CD93: variants seen among roughly 807,000 people sequenced by gnomAD.
The protein encoded by CD93 is complement component C1q receptor.
CD93 carries 44 observed loss-of-function variants against 45.5 expected under a neutral mutation model. That is an observed-to-expected ratio of 0.97 (90% CI 0.76 to 1.24). CD93 has a LOEUF of 1.24. Ranked by LOEUF, CD93 falls within the 50% of genes most tolerant of loss-of-function variation. CD93 has a pLI of 0.00. For missense variants in CD93, 918 were observed against 844.5 expected, an observed-to-expected ratio of 1.09 and a Z score of -1.08; for synonymous variants, 431 against 370.8, an observed-to-expected ratio of 1.16 and a Z score of -1.87.
chr20:23,085,959 C>A lies in CD93; in HGVS notation c.234G>T (p.Gln78His), dbSNP rs141910630. 6 of 1,610,480 alleles carry A rather than the reference C, an allele frequency of 3.7e-6. No homozygotes were observed. The highest frequency in any genetic ancestry group is 5.1e-6 in the Non-Finnish European group (6 of 1,179,208). ...EAQHVQRVLA[Q>H]LLRREAALTA... is the part of the protein sequence containing the mutation. ...TCAGGGCTGCCTCCCGCCTCAGGAG[C>A]TGGGCCAGTACTCGCTGGACGTGCT... is the stretch of plus-strand genomic sequence containing the variant. The change falls in exon 1 of 2, where the codon CAG becomes CAT. Residue 78 changes from glutamine (Q) to histidine (H), a missense_variant. Physicochemically the swap from Gln to His is conservative, Grantham distance 24 (BLOSUM62 0). Transcript: ENST00000246006.
chr20:23,085,518 A>ACAGG lies in CD93; in HGVS notation c.671_674dup (p.Gly226LeufsTer5), dbSNP rs1422349922. The ACAGG allele has an allele frequency of 6.2e-7, 1 of 1,613,880 alleles. No homozygotes were observed. The highest frequency in any genetic ancestry group is 1.1e-5 in the South Asian group (1 of 91,082). On this transcript the variant is annotated frameshift_variant, in exon 1 of 2. Transcript: ENST00000246006. LOFTEE classifies it high-confidence loss of function. ...GAGTCTCGTCCTTGTCACCTTCCCC[A>ACAGG]CAGGCTACATTGGCCGCAGAGGCAA...
rs568089219 is a variant in CD93 at position 23,084,620 on chromosome 20, C to G, written c.1573G>C (p.Ala525Pro). ...TTGAGTGGGGCAGATGTGATGGGGG[C>G]GTCAGATGACAGCGAAGGTCTACTT... is the stretch of plus-strand genomic sequence containing the variant. ...TTSRPSLSSD[A>P]PITSAPLKML... The change falls in exon 1 of 2, where the codon GCC (alanine) becomes CCC (proline). Residue 525 changes from alanine to proline, a missense_variant. Physicochemically the swap from Ala to Pro is conservative, Grantham distance 27. Transcript: ENST00000246006. 1.9e-6 allele frequency: 3 copies of G among 1,607,104 alleles called. No individual in the cohort carries two copies. In the African/African-American group the frequency reaches 4.0e-5, roughly 22 times the overall value.
chr20:23,086,224 G>T lies in CD93; in HGVS notation c.-32C>A. On this transcript the variant is annotated 5_prime_UTR_variant, in exon 1 of 2. Coordinates refer to ENST00000246006, the MANE Select transcript of CD93 (RefSeq NM_012072.4). The stretch of plus-strand genomic sequence containing the variant: ...CTCTGTGTGGCCCTCTGCGGGAGGC[G>T]AGAAGCCCAGCGGCGACAGGAGCTT... The T allele has an allele frequency of 6.8e-7, 1 of 1,479,052 alleles. No homozygotes were observed. The highest frequency in any genetic ancestry group is 1.3e-5 in the South Asian group (1 of 75,646). The allele number at this position is 1,479,052 out of a possible 1,614,324, so 91.6% of individuals were successfully genotyped here.
At position 23,083,740 on chromosome 20, in the gene CD93, C is replaced by G. The variant is rs933849000; in HGVS notation, c.*210G>C. 6.5e-6 allele frequency: 4 copies of G among 611,746 alleles called. No individual in the cohort carries two copies. In the East Asian group the frequency reaches 1.1e-4, roughly 17 times the overall value. The allele number at this position is 611,746 out of a possible 1,614,324, so 37.9% of individuals were successfully genotyped here. On this transcript the variant is annotated 3_prime_UTR_variant, in exon 2 of 2. Transcript: ENST00000246006. ...GAGTCACGAAATCCCCACCGTGGCA[C>G]GCCAACACACAGCTTCCACTTCAGG...
At position 23,083,806 on chromosome 20, in the gene CD93, G is replaced by T; in HGVS notation, c.*144C>A. ...TAGAAAATACCTGCATGTTCCAAGG[G>T]GCCTTTAAGGAGGAGACTTACAATT... On this transcript the variant is annotated 3_prime_UTR_variant, in exon 2 of 2. Transcript: ENST00000246006. 2.6e-6 allele frequency: 2 copies of T among 766,962 alleles called. No homozygotes were observed. Among genetic ancestry groups the T allele is most frequent in the Non-Finnish European group, 4.7e-6 (2 of 424,460 alleles). The allele number at this position is 766,962 out of a possible 1,614,324, so 47.5% of individuals were successfully genotyped here.
In CD93 at chr20:23,085,670, T is replaced by C. The variant is rs970164224; in HGVS notation, c.523A>G (p.Ile175Val). The change falls in exon 1 of 2, where the codon ATT becomes GTT. Residue 175 changes from isoleucine to valine, a missense_variant. Transcript: ENST00000246006. ...CTGAACTTGCACACGAAGCCCTCAA[T>C]GTTACTTCCGGGGGAGCCTGGGCTC... Reference protein sequence around the residue: ...CGSPGSPGSNIEGFVCKFSFK... With the variant: ...CGSPGSPGSNVEGFVCKFSFK... The C allele has an allele frequency of 3.1e-6, 5 of 1,611,110 alleles. No homozygotes were observed. In the African/African-American group the frequency reaches 5.3e-5, roughly 17 times the overall value.
At position 23,086,079 on chromosome 20, in the gene CD93, C is replaced by A. The variant is rs754159699; in HGVS notation, c.114G>T (p.Thr38=). Residue 38 remains threonine, a synonymous_variant, in exon 1 of 2, where the codon ACG becomes ACT. Transcript: ENST00000246006. ...CAGCGCTCAGCTTGCCCGAGTGGGC[C>A]GTGTAGCAGGCGGTCCCCACGCAGA... ...AVVCVGTACY[T]AHSGKLSAAE... 2.4e-5 allele frequency: 39 copies of A among 1,601,242 alleles called. No homozygotes were observed. The highest frequency in any genetic ancestry group is 3.3e-5 in the Admixed American group (2 of 59,702).
Position 23,085,831 on chromosome 20 carries a change from T to TTGGGCCC in CD93, c.361_362insGGGCCCA (p.Glu121GlyfsTer9). On this transcript the variant is annotated frameshift_variant, in exon 1 of 2. Coordinates refer to ENST00000246006, the MANE Select transcript of CD93 (RefSeq NM_012072.4). LOFTEE classifies it high-confidence loss of function. Reference sequence around the variant, plus strand: ...GTGCCAGTTAGAGTAAGGCGTGTCCTCCCCCCCGCCCACCCAGCTGAAGCC... The same window carrying TTGGGCCC: ...GTGCCAGTTAGAGTAAGGCGTGTCCTTGGGCCCCCCCCCCGCCCACCCAGCTGAAGCC... 3.0e-5 allele frequency: 45 copies of TTGGGCCC among 1,490,950 alleles called. No homozygotes were observed. The highest frequency in any genetic ancestry group is 3.8e-5 in the Non-Finnish European group (42 of 1,097,596). 92.4% of individuals were successfully genotyped at this position (1,490,950 alleles called of 1,614,324 possible). A position where few individuals can be genotyped will look rare whatever the true frequency, so the allele number is the denominator to read the frequency against.
At position 23,083,994 on chromosome 20, in the gene CD93, C is replaced by G. The variant is rs575447754; in HGVS notation, c.1935-20G>C. On this transcript the variant is annotated intron_variant, in intron 1 of 1. Coordinates refer to ENST00000246006, the MANE Select transcript of CD93 (RefSeq NM_012072.4). ...GTCGGACTATGGGAAACAAAACAGA[C>G]AGCGTTGGAAGCCATGGCGCCTCTG... 2 of 1,613,842 alleles carry G rather than the reference C, an allele frequency of 1.2e-6. No individual in the cohort carries two copies. Among genetic ancestry groups the G allele is most frequent in the Non-Finnish European group, 1.7e-6 (2 of 1,179,970 alleles).
At position 23,082,468 on chromosome 20, in the gene CD93, G is replaced by C. The variant is rs1332632052; in HGVS notation, c.*1482C>G. 1 of 152,036 alleles carries C rather than the reference G, an allele frequency of 6.6e-6. No individual in the cohort carries two copies. Among genetic ancestry groups the C allele is most frequent in the Non-Finnish European group, 1.5e-5 (1 of 68,128 alleles). The allele number at this position is 152,036 out of a possible 1,614,324, so 9.4% of individuals were successfully genotyped here. A position where few individuals can be genotyped will look rare whatever the true frequency, so the allele number is the denominator to read the frequency against. Reference sequence around the variant, plus strand: ...CCCAGAGATACTCAGGTAACTTCTAGTGACTCTGACCATCGGTGACCCCCA... The same window carrying C: ...CCCAGAGATACTCAGGTAACTTCTACTGACTCTGACCATCGGTGACCCCCA... On this transcript the variant is annotated 3_prime_UTR_variant, in exon 2 of 2. Transcript: ENST00000246006.
At position 23,080,130 on chromosome 20, in the gene CD93, T is replaced by C. The variant is rs1461344425; in HGVS notation, c.*3820A>G. On this transcript the variant is annotated 3_prime_UTR_variant, in exon 2 of 2. Transcript: ENST00000246006. ...AGGGGGCATTAAACCATTTTGCAGC[T>C]GCTAGAAAGCTGTGTTTTCCTGTTT... The C allele has an allele frequency of 6.6e-6, 1 of 152,570 alleles. No individual in the cohort carries two copies. Among genetic ancestry groups the C allele is most frequent in the Non-Finnish European group, 1.5e-5 (1 of 68,036 alleles). 9.5% of individuals were successfully genotyped at this position (152,570 alleles called of 1,614,324 possible).
chr20:23,085,494 A>G lies in CD93; in HGVS notation c.699T>C (p.Thr233=). The change falls in exon 1 of 2, where the codon ACT becomes ACC. Residue 233 remains threonine (T), a synonymous_variant. Coordinates refer to ENST00000246006, the MANE Select transcript of CD93 (RefSeq NM_012072.4). Reference sequence around the variant, plus strand: ...CCTTGCACAGGAAATAATGACTCTGAGTCTCGTCCTTGTCACCTTCCCCAC... The same window carrying G: ...CCTTGCACAGGAAATAATGACTCTGGGTCTCGTCCTTGTCACCTTCCCCAC... ...VACGEGDKDE[T]QSHYFLCKEK... The G allele has an allele frequency of 1.9e-6, 3 of 1,613,886 alleles. No homozygotes were observed. The highest frequency in any genetic ancestry group is 2.5e-6 in the Non-Finnish European group (3 of 1,180,026).
chr20:23,085,891 T>G lies in CD93; in HGVS notation c.302A>C (p.Lys101Thr), dbSNP rs760413376. ...SKFWIGLQRE[K>T]GKCLDPSLPL... ...CAGACTAGGGTCCAGGCACTTGCCC[T>G]TCTCTCGCTGGAGCCCAATCCAGAA... The change falls in exon 1 of 2, where the codon AAG (lysine) becomes ACG (threonine). Residue 101 changes from lysine (K) to threonine (T), a missense_variant. By Grantham distance (78) the Lys-to-Thr change is moderately conservative (BLOSUM62 -1). Transcript: ENST00000246006. 20 of 1,341,100 alleles carry G rather than the reference T, an allele frequency of 1.5e-5. No individual in the cohort carries two copies. The highest frequency in any genetic ancestry group is 2.0e-5 in the Non-Finnish European group (20 of 1,023,262). The allele number at this position is 1,341,100 out of a possible 1,614,324, so 83.1% of individuals were successfully genotyped here. A position where few individuals can be genotyped will look rare whatever the true frequency, so the allele number is the denominator to read the frequency against.
rs1173901095 is a variant in CD93, at chr20:23,084,248, G to A, written c.1934+11C>T. The A allele has an allele frequency of 6.2e-7, 1 of 1,611,974 alleles. No individual in the cohort carries two copies. The highest frequency in any genetic ancestry group is 1.7e-5 in the Admixed American group (1 of 59,924). On this transcript the variant is annotated intron_variant, in intron 1 of 1. Transcript: ENST00000246006. ...CCATCCCCTCCCCCGGTCACTCAGG[G>A]CCCCCTTTACCTGTACTGGTTCTCC...
In CD93 at chr20:23,083,628, A is replaced by C; in HGVS notation, c.*322T>G. On this transcript the variant is annotated 3_prime_UTR_variant, in exon 2 of 2. Coordinates refer to ENST00000246006, the MANE Select transcript of CD93 (RefSeq NM_012072.4). The stretch of plus-strand genomic sequence containing the variant: ...AGTGAGCAGAGAAGATATTCAGGGG[A>C]GCCCCTTAGCCCCGGCCTCCTCACA... 1 of 420,098 alleles carries C rather than the reference A, an allele frequency of 2.4e-6. No homozygotes were observed. Among genetic ancestry groups the C allele is most frequent in the Non-Finnish European group, 4.3e-6 (1 of 229,962 alleles). 26.0% of individuals were successfully genotyped at this position (420,098 alleles called of 1,614,324 possible). A position where few individuals can be genotyped will look rare whatever the true frequency, so the allele number is the denominator to read the frequency against.
In CD93 at chr20:23,085,469, C is replaced by G; in HGVS notation, c.724G>C (p.Glu242Gln). 6.2e-7 allele frequency: 1 copy of G among 1,613,926 alleles called. No homozygotes were observed. The highest frequency in any genetic ancestry group is 8.5e-7 in the Non-Finnish European group (1 of 1,180,034). The change falls in exon 1 of 2, where the codon GAG (glutamate) becomes CAG (glutamine). Residue 242 changes from glutamate to glutamine, a missense_variant. By Grantham distance (29) the Glu-to-Gln change is conservative. Coordinates refer to ENST00000246006, the MANE Select transcript of CD93 (RefSeq NM_012072.4). ...ETQSHYFLCK[E>Q]KAPDVFDWGS... is the part of the protein sequence containing the mutation. The stretch of plus-strand genomic sequence containing the variant: ...CAGTCGAACACATCGGGGGCCTTCT[C>G]CTTGCACAGGAAATAATGACTCTGA...
rs574472797 is a variant in CD93 at position 23,079,683 on chromosome 20, G to A, written c.*4267C>T. ...ACATCACAGAGCAAGCCTTTGCAGGGATCTAATTCAAGCTTAAGCCAAATC... is the reference window on the plus strand; with the variant it reads ...ACATCACAGAGCAAGCCTTTGCAGGAATCTAATTCAAGCTTAAGCCAAATC... On this transcript the variant is annotated 3_prime_UTR_variant, in exon 2 of 2. Transcript: ENST00000246006. 6.6e-6 allele frequency: 1 copy of A among 152,162 alleles called. No individual in the cohort carries two copies. Among genetic ancestry groups the A allele is most frequent in the African/African-American group, 2.4e-5 (1 of 41,424 alleles). The allele number at this position is 152,162 out of a possible 1,614,324, so 9.4% of individuals were successfully genotyped here. A position where few individuals can be genotyped will look rare whatever the true frequency, so the allele number is the denominator to read the frequency against.
Position 23,084,709 on chromosome 20 carries a change from G to A in CD93, c.1484C>T (p.Pro495Leu), listed in dbSNP as rs375813302. 8.5e-5 allele frequency: 136 copies of A among 1,593,680 alleles called. No homozygotes were observed. The highest frequency in any genetic ancestry group is 1.1e-4 in the Non-Finnish European group (126 of 1,170,688). The change falls in exon 1 of 2, where the codon CCC becomes CTC. Residue 495 changes from proline (P) to leucine (L), a missense_variant. By Grantham distance (98) the Pro-to-Leu change is moderately conservative. Coordinates refer to ENST00000246006, the MANE Select transcript of CD93 (RefSeq NM_012072.4). The part of the protein sequence containing the change: ...DKGEKEGSTV[P>L]RAATASPTRG... Reference sequence around the variant, plus strand: ...TGTGGGACTGGCTGTTGCAGCACGGGGCACGGTGCTCCCTTCTTTCTCTCC... The same window carrying A: ...TGTGGGACTGGCTGTTGCAGCACGGAGCACGGTGCTCCCTTCTTTCTCTCC...
At position 23,085,984 on chromosome 20, in the gene CD93, T is replaced by G; in HGVS notation, c.209A>C (p.Gln70Pro). ...LATVKSKEEAQHVQRVLAQLL... is the reference protein window; with the variant it reads ...LATVKSKEEAPHVQRVLAQLL... ...CTGGGCCAGTACTCGCTGGACGTGC[T>G]GGGCCTCCTCCTTGCTCTTCACAGT... Residue 70 changes from glutamine (Q) to proline (P), a missense_variant, in exon 1 of 2, where the codon CAG (glutamine) becomes CCG (proline). By Grantham distance (76) the Gln-to-Pro change is moderately conservative (BLOSUM62 -1). Coordinates refer to ENST00000246006, the MANE Select transcript of CD93 (RefSeq NM_012072.4). 6.2e-7 allele frequency: 1 copy of G among 1,611,036 alleles called. No individual in the cohort carries two copies. Among genetic ancestry groups the G allele is most frequent in the Non-Finnish European group, 8.5e-7 (1 of 1,179,446 alleles).
Sources: gnomAD v4.1 joint callset for allele counts on GRCh38, gnomAD v4.1.1 for gene constraint, MANE v1.5 for transcripts, NCBI Gene and HGNC (gene_info 2026-07-23, HGNC 2026-07-21) for gene names.